Variants in GSE1 observed in about 807,000 individuals in gnomAD.
The protein encoded by GSE1 is genetic suppressor element 1.
In GSE1, 32 loss-of-function variants were observed where a neutral mutation model predicts 112.6. The ratio of observed to expected loss-of-function variants is 0.28; its 90% CI spans 0.21 to 0.38. The LOEUF (loss-of-function observed/expected upper bound fraction) is 0.38, where lower values mean the gene tolerates loss of function less well. Among genes scored for constraint, GSE1 ranks in the 10% least tolerant of loss-of-function variants. The probability of loss-of-function intolerance (pLI) is 1.00; values close to 1 mark genes in which losing one functional copy is unlikely to be tolerated. For synonymous variants in GSE1, 1,115 were observed against 735.6 expected (o/e 1.52, Z -8.35); for missense variants, 2,348 against 1,699.2 (o/e 1.38, Z -6.71).
chr16:85,470,975 G>A (rs949160357), intron 2 of GSE1, among the ~76,000 whole-genome samples: 28 of 152,226 alleles, frequency 1.8e-4, no homozygotes, highest in African/African-American at 6.8e-4. Context: ...TGGCAGACAC[G>A]CGGCCCACTG....
chr16:85,169,971 C>A, exon 1 of GSE1: 1 of 984,578 alleles, frequency 1.0e-6, no homozygotes, highest in African/African-American at 1.7e-5. Context: ...GCGCCACCGG[C>A]GACGACGACG....
intron 1 of GSE1, among the ~76,000 whole-genome samples, chr16:85,600,387 C>A (rs2047409539): frequency 6.6e-6 from 1 of 152,074 alleles, no homozygotes; most frequent in Admixed American, 6.5e-5. Context: ...GAAGATGTCA[C>A]CCAGGCCTGA....
chr16:85,567,604 G>C (rs2045814326), intron 1 of GSE1, among the ~76,000 whole-genome samples: 1 of 152,142 alleles, frequency 6.6e-6, no homozygotes. Context: ...CTCACAAGCG[G>C]AAAGCTGCAC....
At chr16:85,241,273 A>G (rs1027823339) in intron 1 of GSE1, among the ~76,000 whole-genome samples, 5 of 152,198 alleles carry the variant, frequency 3.3e-5, no homozygotes, top group Admixed American at 2.0e-4. Context: ...TTTTCACCCT[A>G]GAGGGCTGTG....
intron 1 of GSE1, among the ~76,000 whole-genome samples, chr16:85,293,439 G>A (rs778606140): frequency 3.3e-5 from 5 of 152,094 alleles, no homozygotes; most frequent in Non-Finnish European, 2.9e-5. Flanking sequence ...CCAGCAACTC[G>A]GGAGGCTGAG....
At chr16:85,238,951 A>G (rs1157772086) in intron 1 of GSE1, among the ~76,000 whole-genome samples, 1 of 151,650 alleles carries the variant, frequency 6.6e-6, no homozygotes, top group African/African-American at 2.4e-5. Flanking sequence ...TTTTTTTGAG[A>G]TGGAGCCTCG....
chr16:85,299,314 C>T (rs17793412), intron 1 of GSE1, among the ~76,000 whole-genome samples: 14,062 of 152,216 alleles, frequency 0.092, 775 homozygotes, highest in Non-Finnish European at 0.12. Flanking sequence ...AGGAACGGGC[C>T]GGTCTGCAGG....
intron 2 of GSE1, among the ~76,000 whole-genome samples, chr16:85,541,844 C>T (rs1200719764): frequency 6.6e-6 from 1 of 152,228 alleles, no homozygotes; most frequent in African/African-American, 2.4e-5. Flanking sequence ...CTTGGGCTGA[C>T]TTTCTCCATC....
intron 2 of GSE1, among the ~76,000 whole-genome samples, chr16:85,473,801 T>C (rs2050369014): frequency 6.6e-6 from 1 of 151,974 alleles, no homozygotes; most frequent in African/African-American, 2.4e-5. Flanking sequence ...CATTCAGCAC[T>C]ACAGGAGGAC....
intron 2 of GSE1, among the ~76,000 whole-genome samples, chr16:85,383,056 T>A (rs1451019242): frequency 6.8e-6 from 1 of 146,876 alleles, no homozygotes; most frequent in South Asian, 2.1e-4. Context: ...TACATGCATG[T>A]GCGCACACAC....
At chr16:85,541,686 G>A (rs572754379) in intron 2 of GSE1, among the ~76,000 whole-genome samples, 3 of 152,240 alleles carry the variant, frequency 2.0e-5, no homozygotes, top group Non-Finnish European at 2.9e-5. Context: ...CACGGGGCAC[G>A]GTGAAGGGCT....
rs2053576463 is a variant in GSE1 at position 85,674,533 on chromosome 16, AC to A, written c.*1995del. On this transcript the variant is annotated 3_prime_UTR_variant, in exon 16 of 16. Transcript: ENST00000253458. ...CACTGGATTTCTCCACTGAAAACCT[AC>A]TTGAGGTTTCTGGTCTGAAGGCTTA... is the stretch of plus-strand genomic sequence containing the variant. 6.6e-6 allele frequency: 1 copy of A among 152,198 alleles called. No individual in the cohort carries two copies. The highest frequency in any genetic ancestry group is 1.5e-5 in the Non-Finnish European group (1 of 68,040). The allele number at this position is 152,198 out of a possible 1,614,324, so 9.4% of individuals were successfully genotyped here.
intron 1 of GSE1, among the ~76,000 whole-genome samples, chr16:85,203,579 G>GC (rs1567608317): frequency 6.6e-6 from 1 of 152,196 alleles, no homozygotes; most frequent in African/African-American, 2.4e-5. Flanking sequence ...TGGCAAGTGG[G>GC]CCTAGAGTCA....
At chr16:85,440,763 G>A (rs1017418447) in intron 2 of GSE1, among the ~76,000 whole-genome samples, 12 of 152,246 alleles carry the variant, frequency 7.9e-5, no homozygotes, top group African/African-American at 2.9e-4. Context: ...GCCCGTGGAG[G>A]TGGGGCCTTG....
intron 1 of GSE1, among the ~76,000 whole-genome samples, chr16:85,193,831 T>C (rs897054592): frequency 5.3e-5 from 8 of 152,224 alleles, no homozygotes; most frequent in Admixed American, 1.3e-4. Context: ...GAAGAGCCAG[T>C]GTACCCTTCA....
intron 1 of GSE1, among the ~76,000 whole-genome samples, chr16:85,201,338 G>GTT (rs11297737): frequency 1.0e-4 from 14 of 136,764 alleles, no homozygotes; most frequent in African/African-American, 1.4e-4. Flanking sequence ...TCCCTTTGGT[G>GTT]TTTTTTTTTT....
upstream of GSE1, chr16:85,554,817 G>T (rs1316831420): frequency 1.6e-5 from 15 of 924,118 alleles, no homozygotes; most frequent in Non-Finnish European, 1.8e-5. Context: ...GCGGGCGGGC[G>T]GCCAGAGCGC....
At chr16:85,487,601 G>T (rs1012900252) in intron 2 of GSE1, among the ~76,000 whole-genome samples, 1 of 152,184 alleles carries the variant, frequency 6.6e-6, no homozygotes, top group Non-Finnish European at 1.5e-5. Flanking sequence ...AGCTGAGAAC[G>T]GCAGAGCCAG....
At chr16:85,526,976 G>A (rs1054228417) in intron 2 of GSE1, among the ~76,000 whole-genome samples, 2 of 152,210 alleles carry the variant, frequency 1.3e-5, no homozygotes, top group African/African-American at 4.8e-5. Context: ...GTTAAATTAA[G>A]TTCACAGTGG....
Sources: gnomAD v4.1 joint callset for allele counts (sites outside exome capture counted in the v4.1 genomes callset) on GRCh38, gnomAD v4.1.1 for gene constraint, MANE v1.5 for transcripts, NCBI Gene and HGNC (gene_info 2026-07-23, HGNC 2026-07-21) for gene names.